CYP39A1: variants seen among roughly 807,000 people sequenced by gnomAD.
CYP39A1 encodes 24-hydroxycholesterol 7-alpha-hydroxylase.
Under a neutral mutation model 58.1 loss-of-function variants are expected in CYP39A1, and 49 were observed. The observed-to-expected ratio is 0.84, with a 90% confidence interval of 0.67 to 1.07. The LOEUF is 1.07. CYP39A1 is among the 50% of genes least tolerant of loss of function. The pLI is 0.00. For synonymous variants in CYP39A1, 209 were observed against 187.6 expected (o/e 1.11, Z -0.93); for missense variants, 531 against 539.4 (o/e 0.98, Z 0.16).
At chr6:46,621,841 T>C (rs1274444626) in intron 7 of CYP39A1, among the ~76,000 whole-genome samples, 1 of 152,086 alleles carries the variant, frequency 6.6e-6, no homozygotes, top group African/African-American at 2.4e-5. Context: ...CAGACAAAGT[T>C]ATTTTAAGAA....
chr6:46,636,152 G>A (rs1192786903), intron 5 of CYP39A1, among the ~76,000 whole-genome samples: 3 of 152,010 alleles, frequency 2.0e-5, no homozygotes, highest in African/African-American at 4.8e-5. Context: ...ACGGAACATC[G>A]GAATTGTATT....
At chr6:46,610,765 G>A (rs1482695752) in intron 7 of CYP39A1, among the ~76,000 whole-genome samples, 1 of 152,156 alleles carries the variant, frequency 6.6e-6, no homozygotes, top group Non-Finnish European at 1.5e-5. Context: ...TCTGAAAAGT[G>A]TATTTTCATA....
chr6:46,586,751 A>G (rs2150510062), intron 10 of CYP39A1, among the ~76,000 whole-genome samples: 1 of 152,222 alleles, frequency 6.6e-6, no homozygotes, highest in East Asian at 1.9e-4. Flanking sequence ...ATATAATTCT[A>G]TCTTTGTTTT....
Position 46,639,608 on chromosome 6 carries a change from C to T in CYP39A1, c.374G>A (p.Gly125Glu), listed in dbSNP as rs2150594431. The change falls in exon 3 of 12, where the codon GGG becomes GAG. Residue 125 changes from glycine (G) to glutamate (E), a missense_variant. Gly to Glu is a moderately conservative substitution (Grantham distance 98). Coordinates refer to ENST00000275016, the MANE Select transcript of CYP39A1 (RefSeq NM_016593.5). Reference protein sequence around the residue: ...LHEKLYIMLKGKMGTVNLHQF... With the variant: ...LHEKLYIMLKEKMGTVNLHQF... ...ATGGAGATTGACAGTCCCCATTTTCCCTTTCAACATAATATAGAGTTTTTC... is the reference window on the plus strand; with the variant it reads ...ATGGAGATTGACAGTCCCCATTTTCTCTTTCAACATAATATAGAGTTTTTC... 1.9e-6 allele frequency: 3 copies of T among 1,613,974 alleles called. No individual in the cohort carries two copies. The highest frequency in any genetic ancestry group is 2.5e-6 in the Non-Finnish European group (3 of 1,179,916).
chr6:46,585,318 T>C (rs1772402923), intron 10 of CYP39A1, among the ~76,000 whole-genome samples: 1 of 144,804 alleles, frequency 6.9e-6, no homozygotes, highest in South Asian at 2.3e-4. Context: ...TTAGTTGCTA[T>C]TGGTATAGAT....
chr6:46,642,994 A>G (rs1776436149), intron 1 of CYP39A1, among the ~76,000 whole-genome samples: 2 of 152,122 alleles, frequency 1.3e-5, no homozygotes, highest in South Asian at 4.2e-4. Flanking sequence ...ACACTTCTCC[A>G]TTTGTGTTAT....
chr6:46,651,278 A>C (rs1762669527), intron 1 of CYP39A1, among the ~76,000 whole-genome samples: 1 of 152,198 alleles, frequency 6.6e-6, no homozygotes. Context: ...TGAAAGAAAA[A>C]AGTTTGGCAG....
At chr6:46,648,150 T>A (rs1347387686) in intron 1 of CYP39A1, among the ~76,000 whole-genome samples, 1 of 152,068 alleles carries the variant, frequency 6.6e-6, no homozygotes. Flanking sequence ...GACCCAGCCA[T>A]CCCATTACTG....
At chr6:46,616,051 C>A (rs994469613) in intron 7 of CYP39A1, among the ~76,000 whole-genome samples, 6 of 124,760 alleles carry the variant, frequency 4.8e-5, no homozygotes, top group Non-Finnish European at 1.7e-5. Context: ...TCTTTCTTTT[C>A]TTTTCTTTTC....
chr6:46,584,268 G>A (rs1772328158), intron 10 of CYP39A1, among the ~76,000 whole-genome samples: 1 of 152,118 alleles, frequency 6.6e-6, no homozygotes, highest in Admixed American at 6.6e-5. Context: ...TAGGTCACAT[G>A]TATTCAACAT....
chr6:46,573,447 C>A (rs1340547220), intron 10 of CYP39A1, among the ~76,000 whole-genome samples: 1 of 152,124 alleles, frequency 6.6e-6, no homozygotes, highest in Non-Finnish European at 1.5e-5. Flanking sequence ...TTGAAGGCAG[C>A]AGTAGTGATG....
intron 2 of CYP39A1, 131 bp downstream of exon 2, chr6:46,642,032 C>T (rs901119788): frequency 2.0e-6 from 2 of 986,844 alleles, no homozygotes; most frequent in Admixed American, 4.3e-5. Context: ...TCCTCTTCTA[C>T]CCATACCTCA....
intron 8 of CYP39A1, among the ~76,000 whole-genome samples, chr6:46,592,154 G>A (rs989236371): frequency 4.6e-5 from 7 of 152,128 alleles, no homozygotes; most frequent in African/African-American, 1.2e-4. Flanking sequence ...GAGAGTGTTC[G>A]TCCATTTCAA....
intron 7 of CYP39A1, among the ~76,000 whole-genome samples, chr6:46,613,695 T>C (rs1047407398): frequency 2.0e-5 from 3 of 151,202 alleles, no homozygotes; most frequent in African/African-American, 7.3e-5. Flanking sequence ...AGCACATTTT[T>C]ATTTGTTTGT....
chr6:46,618,617 G>A (rs1035343476), intron 7 of CYP39A1, among the ~76,000 whole-genome samples: 3 of 151,982 alleles, frequency 2.0e-5, no homozygotes, highest in African/African-American at 4.8e-5. Context: ...CCATTCATAC[G>A]GATTACTGGG....
rs567314746 is a variant in CYP39A1 at position 46,650,484 on chromosome 6, CTTTTTTTTTT to C, written c.177+1912_177+1921del. The stretch of plus-strand genomic sequence containing the variant: ...AAACATCAAATAATGCAGTCATATT[CTTTTTTTTTT>C]TTTTTTTTTTTTTTTTTTTTTTTTT... On this transcript the variant is annotated intron_variant, in intron 1 of 11. Transcript: ENST00000275016. 2.8e-4 allele frequency among the ~76,000 whole-genome samples: 10 copies of C among 35,190 alleles called. No individual in the cohort carries two copies. In the Admixed American group the frequency reaches 3.4e-3, roughly 12 times the overall value. The allele number at this position is 35,190 out of a possible 152,430, so 23.1% of individuals were successfully genotyped here.
intron 6 of CYP39A1, among the ~76,000 whole-genome samples, chr6:46,629,632 GC>G (rs1350557815): frequency 6.6e-6 from 1 of 152,114 alleles, no homozygotes; most frequent in Non-Finnish European, 1.5e-5. Context: ...GACTGAGAAA[GC>G]CTTTAACAAC....
chr6:46,596,212 C>CT, intron 7 of CYP39A1, 92 bp from the exon 8 acceptor site: 2 of 928,908 alleles, frequency 2.2e-6, no homozygotes, highest in Non-Finnish European at 3.2e-6. Context: ...GATGTTGCCT[C>CT]TGACAGCAAG....
chr6:46,553,073 C>CAAAAAAAAAAAAAAAAAAAAA (rs34991519), intron 11 of CYP39A1, among the ~76,000 whole-genome samples: 1 of 81,410 alleles, frequency 1.2e-5, no homozygotes. Context: ...ACCCCCCAAC[C>CAAAAAAAAAAAAAAAAAAAAA]AAAAAAAAAA....
Sources: gnomAD v4.1 joint callset for allele counts (sites outside exome capture counted in the v4.1 genomes callset) on GRCh38, gnomAD v4.1.1 for gene constraint, MANE v1.5 for transcripts, NCBI Gene and HGNC (gene_info 2026-07-23, HGNC 2026-07-21) for gene names.